Variants in RRM1 observed in about 807,000 individuals in gnomAD.
RRM1 encodes the protein ribonucleotide reductase catalytic subunit M1.
RRM1 carries 19 observed loss-of-function variants against 101.5 expected under a neutral mutation model. The observed-to-expected ratio is 0.19, with a 90% confidence interval of 0.13 to 0.27. The LOEUF (loss-of-function observed/expected upper bound fraction) is 0.27. Among genes scored for constraint, RRM1 ranks in the 10% least tolerant of loss-of-function variants. The pLI is 1.00. For missense variants in RRM1, 500 were observed against 962.9 expected, an observed-to-expected ratio of 0.52 and a Z score of 6.36; for synonymous variants, 298 against 323.4, an observed-to-expected ratio of 0.92 and a Z score of 0.84.
At chr11:4,131,717 C>T (rs1033123508) in intron 15 of RRM1, among the ~76,000 whole-genome samples, 2 of 151,858 alleles carry the variant, frequency 1.3e-5, no homozygotes, top group Admixed American at 6.6e-5. Flanking sequence ...AGATGTTAAC[C>T]TTCTTGCAGG....
chr11:4,134,549 A>G (rs1386355638), intron 17 of RRM1, among the ~76,000 whole-genome samples: 1 of 152,124 alleles, frequency 6.6e-6, no homozygotes, highest in Non-Finnish European at 1.5e-5. Context: ...TAATGACAGA[A>G]ACTGTAGCAT....
chr11:4,099,947 C>CA (rs563856374), intron 1 of RRM1, among the ~76,000 whole-genome samples: 1 of 152,096 alleles, frequency 6.6e-6, no homozygotes, highest in Non-Finnish European at 1.5e-5. Flanking sequence ...TTGCTTTCCC[C>CA]CCCCACTGCA....
intron 18 of RRM1, among the ~76,000 whole-genome samples, chr11:4,136,598 C>A (rs2094610392): frequency 6.6e-6 from 1 of 151,720 alleles, no homozygotes; most frequent in Non-Finnish European, 1.5e-5. Context: ...CGCTCTGTTG[C>A]CCAGGCTGGA....
intron 2 of RRM1, 80 bp from the exon 3 acceptor site, chr11:4,105,966 G>T (rs1353171879): frequency 8.2e-7 from 1 of 1,224,406 alleles, no homozygotes; most frequent in Non-Finnish European, 1.2e-6. Flanking sequence ...ACCTGGCCAT[G>T]ATGGTTTTCT....
Position 4,111,887 on chromosome 11 carries a change from C to T in RRM1, c.488-13C>T. On this transcript the variant is annotated splice_polypyrimidine_tract_variant and intron_variant, in intron 6 of 18. Coordinates refer to ENST00000300738, the MANE Select transcript of RRM1 (RefSeq NM_001033.5). ...GACGTCTCATCATGTGAAAACTCCT[C>T]TTTTGTCTATAGTGGCTGAAAGACC... 2 of 1,607,388 alleles carry T rather than the reference C, an allele frequency of 1.2e-6. No individual in the cohort carries two copies. The highest frequency in any genetic ancestry group is 1.7e-6 in the Non-Finnish European group (2 of 1,176,746).
At position 4,111,932 on chromosome 11, in the gene RRM1, G is replaced by T. The variant is rs781708974; in HGVS notation, c.520G>T (p.Val174Leu). Reference sequence around the variant, plus strand: ...AAGACCACAACATATGTTGATGAGAGTATCTGTTGGGATCCACAAAGAAGA... The same window carrying T: ...AAGACCACAACATATGTTGATGAGATTATCTGTTGGGATCCACAAAGAAGA... ...AERPQHMLMR[V>L]SVGIHKEDID... is the part of the protein sequence containing the mutation. The change falls in exon 7 of 19, where the codon GTA (valine) becomes TTA (leucine). Residue 174 changes from valine to leucine, a missense_variant. This residue lies in a region of RRM1 where 111 missense variants were observed against 219.8 expected (regional missense o/e 0.51). Transcript: ENST00000300738. The T allele has an allele frequency of 5.0e-6, 8 of 1,613,960 alleles. No homozygotes were observed. Among genetic ancestry groups the T allele is most frequent in the Non-Finnish European group, 5.9e-6 (7 of 1,179,966 alleles).
At chr11:4,128,697 A>T (rs1005623796) in intron 14 of RRM1, among the ~76,000 whole-genome samples, 2 of 152,226 alleles carry the variant, frequency 1.3e-5, no homozygotes, top group African/African-American at 2.4e-5. Flanking sequence ...TAGAAAATCT[A>T]ATGTGTGGTT....
chr11:4,108,281 A>G (rs1289571615), intron 4 of RRM1, among the ~76,000 whole-genome samples: 2 of 152,190 alleles, frequency 1.3e-5, no homozygotes, highest in East Asian at 3.8e-4. Flanking sequence ...TGGACAGATT[A>G]GAGACCAGTT....
At position 4,133,621 on chromosome 11, in the gene RRM1, T is replaced by C. The variant is rs145770432; in HGVS notation, c.1964T>C (p.Met655Thr). The C allele has an allele frequency of 8.7e-4, 1,395 of 1,612,196 alleles. 1 individual carries two copies. The highest frequency in any genetic ancestry group is 1.1e-3 in the Non-Finnish European group (1,309 of 1,178,718). ...LTERGLWHEE[M>T]KNQIIACNGS... ...GAGCGGGGCCTATGGCATGAAGAGATGAAAAACCAGATTATTGCATGCAAT... is the reference window on the plus strand; with the variant it reads ...GAGCGGGGCCTATGGCATGAAGAGACGAAAAACCAGATTATTGCATGCAAT... The change falls in exon 17 of 19, where the codon ATG becomes ACG. Residue 655 changes from methionine (M) to threonine (T), a missense_variant. Around this residue, in one of 9 missense-constraint regions of RRM1, gnomAD observed 79 missense variants for 176.4 expected, o/e 0.45. Transcript: ENST00000300738.
chr11:4,112,305 T>C (rs1477731588), intron 7 of RRM1, among the ~76,000 whole-genome samples: 1 of 152,178 alleles, frequency 6.6e-6, no homozygotes, highest in Admixed American at 6.5e-5. Context: ...ATGAGTATAT[T>C]AAAAGCCATT....
chr11:4,106,791 G>C (rs2094558868), intron 3 of RRM1, among the ~76,000 whole-genome samples: 1 of 152,162 alleles, frequency 6.6e-6, no homozygotes, highest in Non-Finnish European at 1.5e-5. Flanking sequence ...ATGTAAATTA[G>C]TGGGAAAGAG....
rs1330089133 is a variant in RRM1, at chr11:4,132,106, C to G, written c.1770-180C>G. Among the ~76,000 whole-genome samples the G allele has an allele frequency of 1.3e-5, 2 of 152,158 alleles. No individual in the cohort carries two copies. Among genetic ancestry groups the G allele is most frequent in the African/African-American group, 4.8e-5 (2 of 41,418 alleles). On this transcript the variant is annotated intron_variant, in intron 15 of 18. Coordinates refer to ENST00000300738, the MANE Select transcript of RRM1 (RefSeq NM_001033.5). This position sits in a 1 kb window ranked among gnomAD's most constrained non-coding sequence, Gnocchi z 4.1. ...AGAGTGGGCTATAATAGCACCCATA[C>G]TGTGGAATTGCCTCCCTGTAGGAGT...
In RRM1 at chr11:4,099,865, C is replaced by CT. The variant is rs59536861; in HGVS notation, c.20-2116dup. ...GTGAGTTAAGATAATTACCAATGCA[C>CT]TTTTTTTTTTTTGTCAGTTTCCTGA... is the stretch of plus-strand genomic sequence containing the variant. On this transcript the variant is annotated intron_variant, in intron 1 of 18. Coordinates refer to ENST00000300738, the MANE Select transcript of RRM1 (RefSeq NM_001033.5). Among the ~76,000 whole-genome samples, 1,441 of 146,420 alleles carry CT rather than the reference C, an allele frequency of 9.8e-3. 9 individuals are homozygous for CT. The highest frequency in any genetic ancestry group is 0.031 in the African/African-American group (1,252 of 40,440).
intron 9 of RRM1, among the ~76,000 whole-genome samples, chr11:4,120,288 G>A (rs978687517): frequency 2.0e-5 from 3 of 152,022 alleles, no homozygotes; most frequent in African/African-American, 7.2e-5. Context: ...TTACATGATA[G>A]TTCGTTTGCA....
intron 2 of RRM1, among the ~76,000 whole-genome samples, chr11:4,104,491 A>G: frequency 6.6e-6 from 1 of 152,220 alleles, no homozygotes; most frequent in East Asian, 1.9e-4. Context: ...ATGTATGCTA[A>G]TACCCTGTGC....
intron 17 of RRM1, 43 bp downstream of exon 17, chr11:4,133,701 G>A (rs1288840354): frequency 1.8e-6 from 2 of 1,130,536 alleles, no homozygotes; most frequent in African/African-American, 3.1e-5. Flanking sequence ...GGCTGAGTTG[G>A]ACATTGTGGT....
In RRM1 at chr11:4,115,785, G is replaced by A. The variant is rs556499456; in HGVS notation, c.651-2535G>A. On this transcript the variant is annotated intron_variant, in intron 7 of 18. Transcript: ENST00000300738. ...TTGGCCAGGCTGGTCTCGAACTCCT[G>A]ACCTCAGGTGATCCACCTGCCTGGG... Among the ~76,000 whole-genome samples the A allele has an allele frequency of 7.2e-5, 11 of 152,262 alleles. No individual in the cohort carries two copies. The South Asian group carries it at 1.2e-3, about 17-fold the overall frequency.
intron 18 of RRM1, among the ~76,000 whole-genome samples, chr11:4,137,544 G>A: frequency 2.4e-5 from 1 of 41,898 alleles, no homozygotes; most frequent in East Asian, 5.3e-4. Context: ...CGGGCAGAGG[G>A]GCTCCTCACT....
chr11:4,094,720 C>A, upstream of RRM1: 1 of 533,818 alleles, frequency 1.9e-6, no homozygotes, highest in Non-Finnish European at 3.4e-6. Context: ...ATGGCGGCTA[C>A]ACGTCGCCTG....
Sources: allele counts gnomAD v4.1 joint callset (sites outside exome capture counted in the v4.1 genomes callset), GRCh38; gene constraint gnomAD v4.1.1; regional missense constraint gnomAD v4.1.1; non-coding constraint Gnocchi (gnomAD v3.1); transcripts MANE v1.5; gene names NCBI Gene and HGNC (gene_info 2026-07-23, HGNC 2026-07-21).